The following TBCD variants were observed in gnomAD, a reference collection of about 807,000 sequenced individuals.
The protein encoded by TBCD is tubulin-specific chaperone D.
Under a neutral mutation model 169.3 loss-of-function variants are expected in TBCD, and 105 were observed. The ratio of observed to expected loss-of-function variants is 0.62; its 90% CI spans 0.53 to 0.73. The LOEUF (loss-of-function observed/expected upper bound fraction) is 0.73. TBCD is among the 30% of genes least tolerant of loss of function. TBCD has a pLI of 0.00. For synonymous variants in TBCD, 700 were observed against 643.9 expected, an observed-to-expected ratio of 1.09 and a Z score of -1.32; for missense variants, 1,444 against 1,600.1, an observed-to-expected ratio of 0.90 and a Z score of 1.66.
chr17:82,799,860 G>T (rs1289577696), intron 8 of TBCD, among the ~76,000 whole-genome samples: 1 of 152,212 alleles, frequency 6.6e-6, no homozygotes, highest in African/African-American at 2.4e-5. Context: ...TTACTCAGAT[G>T]CTCTTTCAGC....
At chr17:82,891,093 C>T (rs568690591) in intron 16 of TBCD, among the ~76,000 whole-genome samples, 7 of 152,206 alleles carry the variant, frequency 4.6e-5, no homozygotes, top group South Asian at 4.1e-4. Context: ...GGGCGCACTC[C>T]GCCATCACTC....
rs1194145641 is a variant in TBCD, at chr17:82,807,927, T to A, written c.1148+259T>A. ...GTTTACCTGTTTATCTTCAAAATGT[T>A]CCCTTGCTTTTCCACATCCTCATCA... On this transcript the variant is annotated intron_variant, in intron 11 of 38. Coordinates refer to ENST00000355528, the MANE Select transcript of TBCD (RefSeq NM_005993.5). Among the ~76,000 whole-genome samples, 3 of 152,218 alleles carry A rather than the reference T, an allele frequency of 2.0e-5. No homozygotes were observed. In the East Asian group the frequency reaches 5.8e-4, roughly 29 times the overall value.
intron 16 of TBCD, 145 bp from the exon 17 acceptor site, chr17:82,893,402 G>T: frequency 1.6e-6 from 1 of 627,120 alleles, no homozygotes; most frequent in East Asian, 2.8e-5. Flanking sequence ...GGCGAGCCAT[G>T]TCTGTGGTGT....
At chr17:82,802,162 T>C (rs1437776530) in intron 9 of TBCD, among the ~76,000 whole-genome samples, 1 of 114,610 alleles carries the variant, frequency 8.7e-6, no homozygotes, top group African/African-American at 3.2e-5. Context: ...CTGGCAGAAA[T>C]GATGTCTTAG....
At chr17:82,770,751 C>T (rs1440392295) in intron 5 of TBCD, among the ~76,000 whole-genome samples, 3 of 151,652 alleles carry the variant, frequency 2.0e-5, no homozygotes, top group African/African-American at 7.3e-5. Context: ...CACGGTGGCT[C>T]ACACCTGTAA....
chr17:82,897,295 A>G (rs2059554138), intron 17 of TBCD, among the ~76,000 whole-genome samples: 1 of 152,108 alleles, frequency 6.6e-6, no homozygotes, highest in African/African-American at 2.4e-5. Flanking sequence ...CCAGGCAGGC[A>G]GATCACGAGG....
At position 82,790,670 on chromosome 17, in the gene TBCD, C is replaced by T. The variant is rs544823569; in HGVS notation, c.772-7087C>T. Among the ~76,000 whole-genome samples the T allele has an allele frequency of 3.7e-4, 56 of 152,290 alleles. No individual in the cohort carries two copies. The South Asian group carries it at 8.3e-3, about 23-fold the overall frequency. ...CCCAGCATATGTCAGCAGCGCCGTCCGGGGGAGATGTGGCATCAGCACAGC... is the reference window on the plus strand; with the variant it reads ...CCCAGCATATGTCAGCAGCGCCGTCTGGGGGAGATGTGGCATCAGCACAGC... On this transcript the variant is annotated intron_variant, in intron 7 of 38. Transcript: ENST00000355528.
At chr17:82,788,584 A>T (rs1266385761) in intron 7 of TBCD, among the ~76,000 whole-genome samples, 1 of 152,246 alleles carries the variant, frequency 6.6e-6, no homozygotes, top group African/African-American at 2.4e-5. Flanking sequence ...CAACAGCATT[A>T]AAAACCAAGA....
rs1235491135 is a variant in TBCD at position 82,864,322 on chromosome 17, G to A, written c.1319-5902G>A. 1 of 152,284 alleles carries A rather than the reference G, an allele frequency of 6.6e-6. No homozygotes were observed. The highest frequency in any genetic ancestry group is 1.9e-4 in the East Asian group (1 of 5,206). 9.4% of individuals were successfully genotyped at this position (152,284 alleles called of 1,614,324 possible). A position where few individuals can be genotyped will look rare whatever the true frequency, so the allele number is the denominator to read the frequency against. On this transcript the variant is annotated intron_variant, in intron 13 of 38. Coordinates refer to ENST00000355528, the MANE Select transcript of TBCD (RefSeq NM_005993.5). The surrounding 1 kb of genome is among the most constrained non-coding windows in gnomAD (Gnocchi z 6.3). Reference sequence around the variant, plus strand: ...TGACCTGCGGGTGCCCAGCCTGTGGGGCTTCCTCATCGCCCCCATCCAGGC... The same window carrying A: ...TGACCTGCGGGTGCCCAGCCTGTGGAGCTTCCTCATCGCCCCCATCCAGGC...
At chr17:82,887,635 G>A (rs190262575) in intron 15 of TBCD, among the ~76,000 whole-genome samples, 57 of 152,286 alleles carry the variant, frequency 3.7e-4, no homozygotes, top group African/African-American at 1.3e-3. Context: ...TAAATGCCAG[G>A]AGTAGTTTCT....
rs1218491425 is a variant in TBCD, at chr17:82,789,819, A to G, written c.772-7938A>G. 6.6e-6 allele frequency among the ~76,000 whole-genome samples: 1 copy of G among 152,020 alleles called. No individual in the cohort carries two copies. Among genetic ancestry groups the G allele is most frequent in the Non-Finnish European group, 1.5e-5 (1 of 68,000 alleles). ...TTGGGTACACGTGTGACACTTCAGA[A>G]CCCGCAAGTCCCAGGTCACACCTGT... On this transcript the variant is annotated intron_variant, in intron 7 of 38. Coordinates refer to ENST00000355528, the MANE Select transcript of TBCD (RefSeq NM_005993.5). This position sits in a 1 kb window ranked among gnomAD's most constrained non-coding sequence, Gnocchi z 4.8.
At position 82,929,300 on chromosome 17, in the gene TBCD, TG is replaced by T; in HGVS notation, c.2852+31del. ...CTGTCGGGGTGTAGGCCCCCCGTGC[TG>T]GCCCCGCAGCCATGGCGAGATCATT... is the stretch of plus-strand genomic sequence containing the variant. On this transcript the variant is annotated intron_variant, in intron 31 of 38. Coordinates refer to ENST00000355528, the MANE Select transcript of TBCD (RefSeq NM_005993.5). 3 of 1,611,578 alleles carry T rather than the reference TG, an allele frequency of 1.9e-6. No individual in the cohort carries two copies. The South Asian group carries it at 3.3e-5, about 18-fold the overall frequency.
intron 28 of TBCD, 122 bp downstream of exon 28, chr17:82,926,613 C>T (rs1364087007): frequency 6.4e-6 from 5 of 778,756 alleles, no homozygotes; most frequent in East Asian, 2.7e-5. Flanking sequence ...GGTTTCCTCT[C>T]TTCCAGAGGA....
intron 14 of TBCD, among the ~76,000 whole-genome samples, chr17:82,873,032 C>A (rs994616307): frequency 6.6e-6 from 1 of 150,450 alleles, no homozygotes; most frequent in East Asian, 1.9e-4. Flanking sequence ...GGCAGCAGCT[C>A]CCAGGCCCTG....
At chr17:82,860,675 G>C (rs886491211) in intron 13 of TBCD, among the ~76,000 whole-genome samples, 2 of 152,160 alleles carry the variant, frequency 1.3e-5, no homozygotes, top group East Asian at 3.9e-4. Flanking sequence ...TGCCATTTGT[G>C]GGGGGTCCTT....
In TBCD at chr17:82,771,131, C is replaced by CA. The variant is rs988493111; in HGVS notation, c.583-1313dup. On this transcript the variant is annotated intron_variant, in intron 5 of 38. Transcript: ENST00000355528. ...TTATGGGAAAAAACAAACAAACAAA[C>CA]AAAAAAAACCGAGACAAGCATTGGA... is the stretch of plus-strand genomic sequence containing the variant. Among the ~76,000 whole-genome samples, 9 of 135,948 alleles carry CA rather than the reference C, an allele frequency of 6.6e-5. No individual in the cohort carries two copies. The East Asian group carries it at 8.8e-4, about 13-fold the overall frequency. 89.2% of individuals were successfully genotyped at this position (135,948 alleles called of 152,430 possible).
At chr17:82,758,396 A>ATAAAAT (rs1263110597) in intron 2 of TBCD, among the ~76,000 whole-genome samples, 1 of 123,164 alleles carries the variant, frequency 8.1e-6, no homozygotes, top group African/African-American at 2.7e-5. Context: ...AAAAAAAAAA[A>ATAAAAT]AAAAAAATAA....
At chr17:82,852,529 T>C (rs74002590) in intron 13 of TBCD, among the ~76,000 whole-genome samples, 4,220 of 152,218 alleles carry the variant, frequency 0.028, 210 homozygotes, top group African/African-American at 0.096. Flanking sequence ...GCCTTCCTGC[T>C]GCGTGCTCGC....
At chr17:82,921,605 G>A (rs780337119) in intron 25 of TBCD, 28 bp downstream of exon 25, 44 of 1,606,816 alleles carry the variant, frequency 2.7e-5, no homozygotes, top group Non-Finnish European at 3.6e-5. Flanking sequence ...GTTCCCGGCC[G>A]GCGCTGTGGC....
Sources: allele counts gnomAD v4.1 joint callset (sites outside exome capture counted in the v4.1 genomes callset), GRCh38; gene constraint gnomAD v4.1.1; non-coding constraint Gnocchi (gnomAD v3.1); transcripts MANE v1.5; gene names NCBI Gene and HGNC (gene_info 2026-07-23, HGNC 2026-07-21).